Variants in FNBP1 observed in about 807,000 individuals in gnomAD.
The protein encoded by FNBP1 is formin-binding protein 1.
A neutral mutation model predicts 90.6 loss-of-function variants in FNBP1; 26 were observed. The observed-to-expected ratio is 0.29, with a 90% CI of 0.21 to 0.40. The LOEUF (loss-of-function observed/expected upper bound fraction) is 0.40. Ranked by LOEUF, FNBP1 falls within the 10% of genes least tolerant of loss-of-function variation. The pLI is 1.00. For missense variants in FNBP1, 635 were observed against 768.0 expected, an observed-to-expected ratio of 0.83 and a Z score of 2.05; for synonymous variants, 260 against 265.2, an observed-to-expected ratio of 0.98 and a Z score of 0.19.
intron 4 of FNBP1, among the ~76,000 whole-genome samples, chr9:129,973,493 T>C (rs1239453729): frequency 2.0e-5 from 3 of 152,134 alleles, no homozygotes; most frequent in African/African-American, 7.2e-5. Context: ...TTCTTTTCTG[T>C]TTTTTGTTTG....
intron 11 of FNBP1, among the ~76,000 whole-genome samples, chr9:129,910,355 G>A (rs545522850): frequency 2.0e-5 from 3 of 151,962 alleles, no homozygotes; most frequent in African/African-American, 4.8e-5. Context: ...GGTGGCGAGC[G>A]CCTATAATCC....
At chr9:130,048,265 G>A in the FNBP1 span, among the ~76,000 whole-genome samples, 1 of 129,110 alleles carries the variant, frequency 7.7e-6, no homozygotes, top group Non-Finnish European at 1.6e-5. Context: ...GTAGTGAGCC[G>A]CGATCGCGCC....
chr9:130,053,680 C>T, the FNBP1 span: 1 of 546,612 alleles, frequency 1.8e-6, no homozygotes, highest in East Asian at 3.3e-5. Flanking sequence ...GTTCGGCCAC[C>T]GTTGTTATGG....
chr9:129,974,668 T>G (rs1407964071), intron 4 of FNBP1, among the ~76,000 whole-genome samples: 1 of 152,032 alleles, frequency 6.6e-6, no homozygotes, highest in East Asian at 1.9e-4. Flanking sequence ...GAGACCAGAC[T>G]GGGCAACACA....
rs893403735 is a variant in FNBP1 at position 129,966,052 on chromosome 9, C to T, written c.346-7499G>A. 6.6e-6 allele frequency among the ~76,000 whole-genome samples: 1 copy of T among 152,018 alleles called. No homozygotes were observed. The highest frequency in any genetic ancestry group is 6.6e-5 in the Admixed American group (1 of 15,258). On this transcript the variant is annotated intron_variant, in intron 4 of 16. Transcript: ENST00000446176. The surrounding 1 kb of genome is among the most constrained non-coding windows in gnomAD (Gnocchi z 4.3). ...CTTGTGAACAGGGCTGCTCCAGGCACGAGGAAAGCTGTGTAAACAAAACAA... is the reference window on the plus strand; with the variant it reads ...CTTGTGAACAGGGCTGCTCCAGGCATGAGGAAAGCTGTGTAAACAAAACAA...
At chr9:129,963,352 T>C (rs539703639) in intron 4 of FNBP1, among the ~76,000 whole-genome samples, 19 of 152,292 alleles carry the variant, frequency 1.2e-4, no homozygotes, top group Admixed American at 9.8e-4. Context: ...AGTCTTATTT[T>C]AAAAACACGA....
At chr9:130,015,298 TGAAG>T (rs1344537474) in intron 1 of FNBP1, among the ~76,000 whole-genome samples, 7 of 152,188 alleles carry the variant, frequency 4.6e-5, no homozygotes, top group Admixed American at 6.6e-5. Context: ...TACAGAGCTA[TGAAG>T]AAATATCAGA....
At chr9:130,030,753 T>G (rs1589377178) in intron 1 of FNBP1, among the ~76,000 whole-genome samples, 1 of 152,358 alleles carries the variant, frequency 6.6e-6, no homozygotes, top group East Asian at 1.9e-4. Flanking sequence ...ATGAATATAC[T>G]TCTCACTATA....
chr9:129,922,414 G>T (rs1246137961), intron 10 of FNBP1, among the ~76,000 whole-genome samples: 1 of 152,168 alleles, frequency 6.6e-6, no homozygotes, highest in Admixed American at 6.6e-5. Context: ...GGATGTCACA[G>T]AATCTCAGAC....
At position 130,029,550 on chromosome 9, in the gene FNBP1, G is replaced by C. The variant is rs189245145; in HGVS notation, c.24+13402C>G. Among the ~76,000 whole-genome samples the C allele has an allele frequency of 2.0e-5, 3 of 152,300 alleles. No individual in the cohort carries two copies. The East Asian group carries it at 5.8e-4, about 29-fold the overall frequency. On this transcript the variant is annotated intron_variant, in intron 1 of 16. Coordinates refer to ENST00000446176, the MANE Select transcript of FNBP1 (RefSeq NM_015033.3). The stretch of plus-strand genomic sequence containing the variant: ...TGTCAGTAGCTGACTGGGTAAGGAA[G>C]TAGAATATTGCTAGATTTTAGATTT...
intron 6 of FNBP1, among the ~76,000 whole-genome samples, chr9:129,956,879 C>G (rs2047017584): frequency 1.3e-5 from 2 of 152,168 alleles, no homozygotes; most frequent in Admixed American, 6.5e-5. Flanking sequence ...ACCGAAGATT[C>G]CCCACACTTG....
intron 1 of FNBP1, chr9:130,014,190 C>T (rs1048230433): frequency 2.0e-5 from 7 of 355,998 alleles, no homozygotes; most frequent in Non-Finnish European, 3.8e-5. Flanking sequence ...GGGATGTGAT[C>T]AGGGAGGGGC....
intron 10 of FNBP1, among the ~76,000 whole-genome samples, chr9:129,916,952 T>C (rs917598458): frequency 3.3e-5 from 5 of 151,984 alleles, no homozygotes; most frequent in African/African-American, 7.3e-5. Flanking sequence ...GGGTGTCTGC[T>C]GATGCTTTCT....
intron 4 of FNBP1, among the ~76,000 whole-genome samples, chr9:129,967,504 ACTCCGT>A (rs2048800237): frequency 1.3e-5 from 2 of 151,148 alleles, no homozygotes; most frequent in African/African-American, 4.9e-5. Context: ...ACAGAGTGAG[ACTCCGT>A]CTCAGAAAAA....
chr9:129,979,421 A>G, intron 2 of FNBP1, 47 bp from the exon 3 acceptor site: 1 of 1,346,156 alleles, frequency 7.4e-7, no homozygotes, highest in Non-Finnish European at 1.0e-6. Flanking sequence ...AAAGAGAATT[A>G]AGAAATCAGG....
At chr9:129,993,196 C>A (rs1324305812) in intron 2 of FNBP1, among the ~76,000 whole-genome samples, 10 of 139,312 alleles carry the variant, frequency 7.2e-5, no homozygotes, top group Admixed American at 2.3e-4. Context: ...CACTGCACTC[C>A]AGCCTGGGCG....
chr9:129,898,889 C>T (rs2036316633), intron 15 of FNBP1, among the ~76,000 whole-genome samples: 1 of 151,836 alleles, frequency 6.6e-6, no homozygotes, highest in South Asian at 2.1e-4. Context: ...AAGACAGGAG[C>T]GCTATAGATA....
In FNBP1 at chr9:130,041,190, C is replaced by A. The variant is rs540057010; in HGVS notation, c.24+1762G>T. Among the ~76,000 whole-genome samples the A allele has an allele frequency of 3.3e-5, 5 of 151,992 alleles. No homozygotes were observed. The South Asian group carries it at 8.3e-4, about 25-fold the overall frequency. ...CCCTGCCTTCCTTCCCACTTCTGCA[C>A]CCTCAAAAAGAAATGTACAGAATAA... On this transcript the variant is annotated intron_variant, in intron 1 of 16. Transcript: ENST00000446176. This position sits in a 1 kb window ranked among gnomAD's most constrained non-coding sequence, Gnocchi z 4.3.
intron 1 of FNBP1, among the ~76,000 whole-genome samples, chr9:130,014,443 G>C (rs764937659): frequency 5.9e-5 from 9 of 151,660 alleles, no homozygotes; most frequent in Non-Finnish European, 1.0e-4. Context: ...GTAGAGATGG[G>C]GTTTTGCCAT....
Sources: allele counts gnomAD v4.1 joint callset (sites outside exome capture counted in the v4.1 genomes callset), GRCh38; gene constraint gnomAD v4.1.1; non-coding constraint Gnocchi (gnomAD v3.1); transcripts MANE v1.5; gene names NCBI Gene and HGNC (gene_info 2026-07-23, HGNC 2026-07-21).